DTHD1: variants seen among roughly 807,000 people sequenced by gnomAD.
The protein encoded by DTHD1 is death domain containing 1, also known as death domain-containing protein 1.
DTHD1 carries 59 observed loss-of-function variants against 74.8 expected under a neutral mutation model. The observed-to-expected ratio is 0.79, with a 90% CI of 0.64 to 0.98. The LOEUF (loss-of-function observed/expected upper bound fraction) is 0.98, where lower values mean the gene tolerates loss of function less well. Among genes scored for constraint, DTHD1 ranks in the 50% least tolerant of loss-of-function variants. The pLI, the probability that DTHD1 is intolerant of heterozygous loss-of-function variation, is 0.00. For synonymous variants in DTHD1, 365 were observed against 371.1 expected (o/e 0.98, Z 0.19); for missense variants, 1,051 against 1,065.4 (o/e 0.99, Z 0.19).
chr4:36,331,409 G>C (rs1758663057), intron 8 of DTHD1, among the ~76,000 whole-genome samples: 1 of 152,144 alleles, frequency 6.6e-6, no homozygotes, highest in African/African-American at 2.4e-5. Flanking sequence ...TAAATACCAA[G>C]TACAGTAAGC....
Position 36,344,006 on chromosome 4 carries a change from T to A in DTHD1, c.*182T>A. Reference sequence around the variant, plus strand: ...TCAGATAATAGAAAGCATTCCTGGGTGTGAGCGCTCCTCTCTGGTTGAGTG... The same window carrying A: ...TCAGATAATAGAAAGCATTCCTGGGAGTGAGCGCTCCTCTCTGGTTGAGTG... On this transcript the variant is annotated 3_prime_UTR_variant, in exon 10 of 10. Coordinates refer to ENST00000639862, the MANE Select transcript of DTHD1 (RefSeq NM_001170700.3). 1 of 634,462 alleles carries A rather than the reference T, an allele frequency of 1.6e-6. No individual in the cohort carries two copies. Among genetic ancestry groups the A allele is most frequent in the South Asian group, 2.1e-5 (1 of 46,954 alleles). The allele number at this position is 634,462 out of a possible 1,614,324, so 39.3% of individuals were successfully genotyped here.
At chr4:36,294,591 G>A (rs572127473) in intron 4 of DTHD1, among the ~76,000 whole-genome samples, 98 of 151,738 alleles carry the variant, frequency 6.5e-4, no homozygotes, top group African/African-American at 2.2e-3. Context: ...GATTTCAGAA[G>A]GACTTTGTAA....
At chr4:36,318,123 C>A (rs1463924636) in intron 8 of DTHD1, among the ~76,000 whole-genome samples, 1 of 152,180 alleles carries the variant, frequency 6.6e-6, no homozygotes, top group African/African-American at 2.4e-5. Flanking sequence ...GAAACTGAGG[C>A]ACAGAAATTT....
At chr4:36,338,291 A>G (rs931812579) in intron 8 of DTHD1, among the ~76,000 whole-genome samples, 2 of 152,150 alleles carry the variant, frequency 1.3e-5, no homozygotes, top group Non-Finnish European at 2.9e-5. Flanking sequence ...CCATGTATCA[A>G]TGTTTTGTTT....
chr4:36,281,943 T>C lies in DTHD1; in HGVS notation c.185T>C (p.Leu62Pro). 7.2e-7 allele frequency: 1 copy of C among 1,381,278 alleles called. No homozygotes were observed. Among genetic ancestry groups the C allele is most frequent in the Non-Finnish European group, 9.4e-7 (1 of 1,058,800 alleles). 85.6% of individuals were successfully genotyped at this position (1,381,278 alleles called of 1,614,324 possible). A position where few individuals can be genotyped will look rare whatever the true frequency, so the allele number is the denominator to read the frequency against. Residue 62 changes from leucine (L) to proline (P), a missense_variant, in exon 1 of 10, where the codon CTG becomes CCG. Leu to Pro is a moderately conservative substitution (Grantham distance 98, BLOSUM62 -3). Transcript: ENST00000639862. ...QELSSALHQL[L>P]EHTSGTLRST... ...CTCAGCAGTGCCCTTCACCAGCTGC[T>C]GGAGCACACCTCAGGCACCCTGCGT...
intron 8 of DTHD1, among the ~76,000 whole-genome samples, chr4:36,334,393 C>T (rs796852082): frequency 4.2e-5 from 6 of 143,282 alleles, no homozygotes; most frequent in African/African-American, 1.5e-4. Context: ...GAGTCTCACT[C>T]TGTCACCCAG....
chr4:36,302,530 A>G (rs1443567556), intron 5 of DTHD1, among the ~76,000 whole-genome samples: 2 of 152,248 alleles, frequency 1.3e-5, no homozygotes, highest in African/African-American at 4.8e-5. Context: ...GTCATAAAAT[A>G]TGTCAAATAT....
intron 5 of DTHD1, among the ~76,000 whole-genome samples, chr4:36,300,715 A>G (rs1756716271): frequency 6.6e-6 from 1 of 152,136 alleles, no homozygotes; most frequent in South Asian, 2.1e-4. Context: ...TAAGAAGGAA[A>G]TGATAATTTT....
At chr4:36,301,071 A>T (rs1312328841) in intron 5 of DTHD1, among the ~76,000 whole-genome samples, 1 of 152,180 alleles carries the variant, frequency 6.6e-6, no homozygotes, top group Non-Finnish European at 1.5e-5. Flanking sequence ...ATTAAGGTGC[A>T]TTGGAGCAGA....
Position 36,298,284 on chromosome 4 carries a change from C to T in DTHD1, c.1643+3245C>T, listed in dbSNP as rs931507843. ...ATAATATATATTCTTTTTTACATGT[C>T]ATGACTTAGCACAATTGCAACATAG... On this transcript the variant is annotated intron_variant, in intron 5 of 9. Coordinates refer to ENST00000639862, the MANE Select transcript of DTHD1 (RefSeq NM_001170700.3). 1.5e-4 allele frequency among the ~76,000 whole-genome samples: 23 copies of T among 152,158 alleles called. 1 individual carries two copies. Among genetic ancestry groups the T allele is most frequent in the East Asian group, 1.9e-4 (1 of 5,184 alleles).
At chr4:36,324,451 TC>T (rs1560811821) in intron 8 of DTHD1, among the ~76,000 whole-genome samples, 1 of 152,234 alleles carries the variant, frequency 6.6e-6, no homozygotes, top group Non-Finnish European at 1.5e-5. Flanking sequence ...AATTAAAATT[TC>T]ATTGATGTGT....
Position 36,284,584 on chromosome 4 carries a change from GA to G in DTHD1, c.884del (p.Lys295ArgfsTer7). ...ENIKHKNNIM[E>X]KEYLDVLSDV... ...TATAAAGCACAAGAATAACATAATGGAAAAGGAGTAAGTAAATGCAATGTGG... is the reference window on the plus strand; with the variant it reads ...TATAAAGCACAAGAATAACATAATGGAAAGGAGTAAGTAAATGCAATGTGG... On this transcript the variant is annotated frameshift_variant, in exon 2 of 10. Transcript: ENST00000639862. LOFTEE classifies it high-confidence loss of function. The G allele has an allele frequency of 6.6e-7, 1 of 1,511,290 alleles. No homozygotes were observed. Among genetic ancestry groups the G allele is most frequent in the South Asian group, 1.3e-5 (1 of 78,924 alleles). The allele number at this position is 1,511,290 out of a possible 1,614,324, so 93.6% of individuals were successfully genotyped here. A position where few individuals can be genotyped will look rare whatever the true frequency, so the allele number is the denominator to read the frequency against.
Position 36,290,499 on chromosome 4 carries a change from T to C in DTHD1, c.1014T>C (p.Asp338=). ...INHMSSLIVG[D]NEELVSNVIT... ...ACATGAGTTCTTTAATAGTGGGTGATAATGAAGAGTTAGTTAGCAACGTCA... is the reference window on the plus strand; with the variant it reads ...ACATGAGTTCTTTAATAGTGGGTGACAATGAAGAGTTAGTTAGCAACGTCA... Residue 338 remains aspartate (D), a synonymous_variant, in exon 3 of 10, where the codon GAT becomes GAC. Transcript: ENST00000639862. 1 of 1,551,722 alleles carries C rather than the reference T, an allele frequency of 6.4e-7. No individual in the cohort carries two copies. The highest frequency in any genetic ancestry group is 1.7e-4 in the Middle Eastern group (1 of 5,992).
chr4:36,328,385 A>G (rs930103124), intron 8 of DTHD1, among the ~76,000 whole-genome samples: 3 of 152,212 alleles, frequency 2.0e-5, no homozygotes, highest in African/African-American at 7.2e-5. Flanking sequence ...CTGTGTAATT[A>G]TAAGAAAGTT....
intron 6 of DTHD1, 77 bp downstream of exon 6, chr4:36,306,429 G>A: frequency 7.4e-7 from 1 of 1,351,910 alleles, no homozygotes; most frequent in Non-Finnish European, 9.8e-7. Context: ...AAATGGAATA[G>A]TAAGATTAAA....
At chr4:36,302,736 C>A (rs977642851) in intron 5 of DTHD1, among the ~76,000 whole-genome samples, 2 of 152,084 alleles carry the variant, frequency 1.3e-5, no homozygotes, top group African/African-American at 4.8e-5. Flanking sequence ...CTTTACTTTT[C>A]CATTTTAAAT....
Position 36,281,870 on chromosome 4 carries a change from G to C in DTHD1, c.112G>C (p.Ala38Pro). The change falls in exon 1 of 10, where the codon GCT (alanine) becomes CCT (proline). Residue 38 changes from alanine (A) to proline (P), a missense_variant. Coordinates refer to ENST00000639862, the MANE Select transcript of DTHD1 (RefSeq NM_001170700.3). ...ALLGDDLCEG[A>P]GGATWMATVV... Reference sequence around the variant, plus strand: ...CTTGGGTGATGACCTTTGTGAGGGGGCTGGTGGGGCCACTTGGATGGCCAC... The same window carrying C: ...CTTGGGTGATGACCTTTGTGAGGGGCCTGGTGGGGCCACTTGGATGGCCAC... 7.9e-7 allele frequency: 1 copy of C among 1,271,282 alleles called. No homozygotes were observed. 78.8% of individuals were successfully genotyped at this position (1,271,282 alleles called of 1,614,324 possible). A position where few individuals can be genotyped will look rare whatever the true frequency, so the allele number is the denominator to read the frequency against.
At chr4:36,332,287 C>T (rs1300109356) in intron 8 of DTHD1, among the ~76,000 whole-genome samples, 1 of 151,562 alleles carries the variant, frequency 6.6e-6, no homozygotes, top group Non-Finnish European at 1.5e-5. Flanking sequence ...TCAAAGGTAG[C>T]ATTTTGTTTT....
chr4:36,334,357 GGTTTT>G (rs773400046), intron 8 of DTHD1, among the ~76,000 whole-genome samples: 7 of 82,486 alleles, frequency 8.5e-5, no homozygotes, highest in African/African-American at 1.6e-4. Context: ...TATTTTTTTT[GGTTTT>G]TTTTTTTTTT....
Sources: gnomAD v4.1 joint callset for allele counts (sites outside exome capture counted in the v4.1 genomes callset) on GRCh38, gnomAD v4.1.1 for gene constraint, MANE v1.5 for transcripts, NCBI Gene and HGNC (gene_info 2026-07-23, HGNC 2026-07-21) for gene names.